Variants in BCAS3 observed in about 807,000 individuals in gnomAD.
BCAS3 encodes BCAS3 microtubule associated cell migration factor.
BCAS3 carries 53 observed loss-of-function variants against 116.1 expected under a neutral mutation model. The observed-to-expected ratio is 0.46, with a 90% CI of 0.37 to 0.57. The LOEUF (loss-of-function observed/expected upper bound fraction) is 0.57. Ranked by LOEUF, BCAS3 falls within the 20% of genes least tolerant of loss-of-function variation. The probability of loss-of-function intolerance (pLI) is 0.00; values close to 1 mark genes in which losing one functional copy is unlikely to be tolerated. For synonymous variants in BCAS3, 391 were observed against 408.2 expected (o/e 0.96, Z 0.51); for missense variants, 917 against 1,165.4 (o/e 0.79, Z 3.10).
chr17:60,679,394 A>T, intron 1 of BCAS3, 59 bp from the exon 2 acceptor site: 2 of 1,309,760 alleles, frequency 1.5e-6, no homozygotes, highest in Non-Finnish European at 2.2e-6. Context: ...CTTCCTCCCT[A>T]CCCCCAACAA....
rs1276220878 is a variant in BCAS3, at chr17:60,957,000, T to A, written c.1221+9648T>A. On this transcript the variant is annotated intron_variant, in intron 14 of 23. Coordinates refer to ENST00000407086, the MANE Select transcript of BCAS3 (RefSeq NM_017679.5). This position sits in a 1 kb window ranked among gnomAD's most constrained non-coding sequence, Gnocchi z 4.2. Reference sequence around the variant, plus strand: ...GTGTATCTAATTATACTGAATTAAGTTGTTTTGTGGTCTATGACTTGGGAT... The same window carrying A: ...GTGTATCTAATTATACTGAATTAAGATGTTTTGTGGTCTATGACTTGGGAT... Among the ~76,000 whole-genome samples, 1 of 152,118 alleles carries A rather than the reference T, an allele frequency of 6.6e-6. No homozygotes were observed. Among genetic ancestry groups the A allele is most frequent in the African/African-American group, 2.4e-5 (1 of 41,432 alleles).
chr17:61,372,837 A>G (rs1165126499), intron 23 of BCAS3, among the ~76,000 whole-genome samples: 2 of 151,980 alleles, frequency 1.3e-5, no homozygotes, highest in African/African-American at 4.8e-5. Flanking sequence ...CCTTTTCTAG[A>G]AAAATAGAAT....
intron 22 of BCAS3, among the ~76,000 whole-genome samples, chr17:61,155,291 C>T (rs1011407853): frequency 3.9e-5 from 6 of 151,906 alleles, no homozygotes; most frequent in South Asian, 2.1e-4. Flanking sequence ...AGTGGGCCAA[C>T]GAAAACACTG....
intron 5 of BCAS3, among the ~76,000 whole-genome samples, chr17:60,731,890 C>T (rs145111513): frequency 0.031 from 4,751 of 151,414 alleles, 236 homozygotes; most frequent in African/African-American, 0.1. Flanking sequence ...GCAATTCTCC[C>T]ATCTCAGCCT....
intron 7 of BCAS3, among the ~76,000 whole-genome samples, chr17:60,850,016 C>G (rs73990996): frequency 3.3e-5 from 5 of 152,110 alleles, no homozygotes; most frequent in Non-Finnish European, 5.9e-5. Context: ...CCTTGGCCTC[C>G]AAAAGTGCTG....
intron 22 of BCAS3, among the ~76,000 whole-genome samples, chr17:61,283,602 C>T (rs1405261186): frequency 2.0e-5 from 3 of 151,764 alleles, no homozygotes; most frequent in Non-Finnish European, 2.9e-5. Flanking sequence ...TACAGGCGAC[C>T]GCCACCATGC....
chr17:60,763,133 A>G (rs1453930651), intron 6 of BCAS3, among the ~76,000 whole-genome samples: 1 of 152,178 alleles, frequency 6.6e-6, no homozygotes, highest in Non-Finnish European at 1.5e-5. Context: ...CAATCATGTC[A>G]TCTGCAAGCA....
chr17:61,089,453 C>T (rs1372636849), intron 22 of BCAS3, among the ~76,000 whole-genome samples: 2 of 133,486 alleles, frequency 1.5e-5, no homozygotes, highest in Non-Finnish European at 3.1e-5. Flanking sequence ...AGATTTTGTT[C>T]ATGGACTGGG....
intron 4 of BCAS3, 24 bp from the exon 5 acceptor site, chr17:60,709,195 C>G (rs767354992): frequency 9.6e-6 from 12 of 1,249,104 alleles, no homozygotes; most frequent in Non-Finnish European, 1.4e-5. Context: ...AAATTTGCTT[C>G]TTTGTTACTT....
intron 23 of BCAS3, among the ~76,000 whole-genome samples, chr17:61,375,553 A>G (rs1027043841): frequency 2.0e-4 from 30 of 151,088 alleles, no homozygotes; most frequent in African/African-American, 7.3e-4. Flanking sequence ...AGGCACCAGT[A>G]CCATGTGTTA....
intron 22 of BCAS3, among the ~76,000 whole-genome samples, chr17:61,183,729 A>G (rs188358668): frequency 5.3e-4 from 80 of 152,372 alleles, no homozygotes; most frequent in Admixed American, 2.0e-3. Flanking sequence ...GGTAGTACCT[A>G]TAGTGCCTGA....
intron 14 of BCAS3, among the ~76,000 whole-genome samples, chr17:60,957,327 A>G (rs1054295241): frequency 1.6e-4 from 24 of 152,186 alleles, no homozygotes; most frequent in African/African-American, 5.5e-4. Context: ...ACTGATAACT[A>G]TTTGATGGTC....
chr17:60,911,198 C>CTGCA (rs1185038563), intron 12 of BCAS3, among the ~76,000 whole-genome samples: 2 of 137,584 alleles, frequency 1.5e-5, no homozygotes, highest in African/African-American at 2.8e-5. Flanking sequence ...TCTCAGCTCA[C>CTGCA]TGCAATCTCT....
intron 11 of BCAS3, among the ~76,000 whole-genome samples, chr17:60,906,835 G>A (rs1417250610): frequency 6.6e-6 from 1 of 152,056 alleles, no homozygotes; most frequent in Non-Finnish European, 1.5e-5. Context: ...TGGAGAGCAC[G>A]TTAAAAAGCC....
chr17:61,216,878 A>T (rs1207272126), intron 22 of BCAS3, among the ~76,000 whole-genome samples: 1 of 152,040 alleles, frequency 6.6e-6, no homozygotes, highest in Non-Finnish European at 1.5e-5. Context: ...ATGATTTTCA[A>T]ATAGACTATT....
At chr17:61,053,665 T>G (rs2069096219) in intron 19 of BCAS3, among the ~76,000 whole-genome samples, 1 of 152,180 alleles carries the variant, frequency 6.6e-6, no homozygotes, top group Non-Finnish European at 1.5e-5. Context: ...CCTTGCATTG[T>G]CCATAATAAA....
At chr17:60,693,926 C>T (rs867782838) in intron 4 of BCAS3, among the ~76,000 whole-genome samples, 2 of 139,142 alleles carry the variant, frequency 1.4e-5, no homozygotes, top group African/African-American at 5.6e-5. Flanking sequence ...TGCTCTGTCT[C>T]CCAGGCTGGA....
At chr17:60,719,056 T>G (rs1338223210) in intron 5 of BCAS3, among the ~76,000 whole-genome samples, 6 of 152,114 alleles carry the variant, frequency 3.9e-5, no homozygotes, top group African/African-American at 1.4e-4. Context: ...AGCGAGGCTC[T>G]GTCTCAAAAA....
At chr17:60,922,177 A>T (rs2059137579) in intron 12 of BCAS3, among the ~76,000 whole-genome samples, 1 of 152,106 alleles carries the variant, frequency 6.6e-6, no homozygotes, top group Non-Finnish European at 1.5e-5. Context: ...CCCAGGCTGG[A>T]GTGCAATGGC....
Sources: allele counts gnomAD v4.1 joint callset (sites outside exome capture counted in the v4.1 genomes callset), GRCh38; gene constraint gnomAD v4.1.1; non-coding constraint Gnocchi (gnomAD v3.1); transcripts MANE v1.5; gene names NCBI Gene and HGNC (gene_info 2026-07-23, HGNC 2026-07-21).